RGS17: variants seen among roughly 807,000 people sequenced by gnomAD.
RGS17 encodes the protein regulator of G-protein signaling 17.
A neutral mutation model predicts 25.5 loss-of-function variants in RGS17; 12 were observed. The ratio of observed to expected loss-of-function variants is 0.47; its 90% CI spans 0.30 to 0.76. The LOEUF is 0.76. Among genes scored for constraint, RGS17 ranks in the 30% least tolerant of loss-of-function variants. RGS17 has a pLI of 0.07. For synonymous variants in RGS17, 71 were observed against 76.9 expected, an observed-to-expected ratio of 0.92 and a Z score of 0.40; for missense variants, 196 against 242.2, an observed-to-expected ratio of 0.81 and a Z score of 1.27.
intron 4 of RGS17, among the ~76,000 whole-genome samples, chr6:153,017,240 T>C (rs745554034): frequency 6.6e-6 from 1 of 151,812 alleles, no homozygotes; most frequent in Non-Finnish European, 1.5e-5. Flanking sequence ...TGTTGAGACA[T>C]AGCAACTGAA....
intron 1 of RGS17, among the ~76,000 whole-genome samples, chr6:153,089,409 T>C (rs1777096042): frequency 6.6e-6 from 1 of 152,148 alleles, no homozygotes; most frequent in African/African-American, 2.4e-5. Context: ...ATGAAAATAA[T>C]GGATCTAACC....
intron 1 of RGS17, among the ~76,000 whole-genome samples, chr6:153,112,847 A>G (rs779107087): frequency 6.6e-6 from 1 of 152,204 alleles, no homozygotes; most frequent in Non-Finnish European, 1.5e-5. Context: ...AAGGAGAATG[A>G]CATCCTTTAC....
At chr6:153,087,908 T>C (rs1290497069) in intron 1 of RGS17, among the ~76,000 whole-genome samples, 2 of 152,190 alleles carry the variant, frequency 1.3e-5, no homozygotes, top group African/African-American at 2.4e-5. Context: ...TCCTCTCCCC[T>C]TGAATGTGGG....
At chr6:153,059,087 G>A (rs1045894093) in intron 1 of RGS17, among the ~76,000 whole-genome samples, 2 of 151,900 alleles carry the variant, frequency 1.3e-5, no homozygotes, top group Non-Finnish European at 2.9e-5. Flanking sequence ...TTGATATACA[G>A]TCTTCACTGA....
chr6:153,122,191 C>T (rs1224972298), intron 1 of RGS17, among the ~76,000 whole-genome samples: 2 of 152,108 alleles, frequency 1.3e-5, no homozygotes, highest in African/African-American at 4.8e-5. Flanking sequence ...ATCCTTTCTT[C>T]CTGAATATTT....
intron 1 of RGS17, among the ~76,000 whole-genome samples, chr6:153,122,771 T>G (rs148586436): frequency 4.2e-4 from 64 of 152,142 alleles, no homozygotes; most frequent in African/African-American, 1.5e-3. Flanking sequence ...AACTATTAGA[T>G]GTATGAAAAG....
intron 1 of RGS17, among the ~76,000 whole-genome samples, chr6:153,058,172 T>C (rs569170565): frequency 1.7e-4 from 26 of 152,232 alleles, no homozygotes; most frequent in Non-Finnish European, 3.1e-4. Flanking sequence ...GTGCGCAGTA[T>C]GTGGTAGCTC....
chr6:153,036,363 G>A (rs1021221364), intron 2 of RGS17, among the ~76,000 whole-genome samples: 1 of 151,960 alleles, frequency 6.6e-6, no homozygotes, highest in Non-Finnish European at 1.5e-5. Context: ...CCCTTGCTGC[G>A]TTTTGCATGT....
intron 1 of RGS17, among the ~76,000 whole-genome samples, chr6:153,082,338 T>A (rs1249416825): frequency 6.6e-6 from 1 of 152,216 alleles, no homozygotes; most frequent in Non-Finnish European, 1.5e-5. Context: ...GGAAGTTCAA[T>A]TACATATATG....
Position 153,130,877 on chromosome 6 carries a change from C to G in RGS17, c.-26+247G>C, listed in dbSNP as rs574505569. 6.6e-6 allele frequency among the ~76,000 whole-genome samples: 1 copy of G among 152,008 alleles called. No homozygotes were observed. Among genetic ancestry groups the G allele is most frequent in the South Asian group, 2.1e-4 (1 of 4,828 alleles). ...CTGAGGGCGGCGAGCGGACCGCGTC[C>G]AGGCAGCGACGCGGGATTCAACTTC... On this transcript the variant is annotated intron_variant, in intron 1 of 4. Transcript: ENST00000206262. This position sits in a 1 kb window ranked among gnomAD's most constrained non-coding sequence, Gnocchi z 6.4.
intron 1 of RGS17, among the ~76,000 whole-genome samples, chr6:153,094,031 A>C (rs1475309490): frequency 4.6e-5 from 7 of 151,970 alleles, no homozygotes; most frequent in Admixed American, 6.6e-5. Context: ...TCAATGGAGG[A>C]GGCTTTCCAT....
intron 1 of RGS17, among the ~76,000 whole-genome samples, chr6:153,083,945 C>A (rs1406631650): frequency 6.6e-6 from 1 of 152,252 alleles, no homozygotes; most frequent in African/African-American, 2.4e-5. Context: ...CATTGTAAAT[C>A]TCATTTTATG....
Position 153,024,466 on chromosome 6 carries a change from G to A in RGS17, c.240C>T (p.Ser80=). Residue 80 remains serine (S), a synonymous_variant, in exon 4 of 5, where the codon TCC becomes TCT. Coordinates refer to ENST00000206262, the MANE Select transcript of RGS17 (RefSeq NM_012419.5). ...TCATCTTGTCAAAATTTTGAGACCA[G>A]GACAAGACTTCCTCTGCAGTGGGGT... ...CQNPTAEEVL[S]WSQNFDKMMK... 1.2e-6 allele frequency: 2 copies of A among 1,614,162 alleles called. No individual in the cohort carries two copies. The highest frequency in any genetic ancestry group is 2.2e-5 in the East Asian group (1 of 44,886).
chr6:153,059,488 C>T (rs1776607425), intron 1 of RGS17, among the ~76,000 whole-genome samples: 1 of 152,184 alleles, frequency 6.6e-6, no homozygotes, highest in African/African-American at 2.4e-5. Flanking sequence ...TAAGAGAGAT[C>T]TGGAATTGAA....
intron 1 of RGS17, among the ~76,000 whole-genome samples, chr6:153,094,179 G>A (rs185905896): frequency 5.3e-5 from 8 of 151,592 alleles, no homozygotes; most frequent in African/African-American, 1.7e-4. Flanking sequence ...GGGTTCAAGC[G>A]ATTCTCATGC....
intron 2 of RGS17, 110 bp from the exon 3 acceptor site, chr6:153,026,653 T>C (rs1779305988): frequency 1.4e-6 from 1 of 727,012 alleles, no homozygotes; most frequent in Non-Finnish European, 2.3e-6. Flanking sequence ...TTCAACTATG[T>C]GAGAATATTT....
chr6:153,106,571 C>G (rs4083914), intron 1 of RGS17, among the ~76,000 whole-genome samples: 70,581 of 151,180 alleles, frequency 0.47, 17,086 homozygotes, highest in East Asian at 0.85. Context: ...AAGGCAACTG[C>G]TTTCACTGTT....
chr6:153,102,208 C>T (rs1777314618), intron 1 of RGS17, among the ~76,000 whole-genome samples: 1 of 152,184 alleles, frequency 6.6e-6, no homozygotes, highest in Non-Finnish European at 1.5e-5. Context: ...GCAAGGAGGA[C>T]AGGAAATGGA....
intron 1 of RGS17, among the ~76,000 whole-genome samples, chr6:153,053,882 A>C (rs1238025856): frequency 7.0e-6 from 1 of 142,562 alleles, no homozygotes; most frequent in African/African-American, 2.6e-5. Context: ...ACTTATCTAT[A>C]TTTTCTTTTT....
Sources: gnomAD v4.1 joint callset for allele counts (sites outside exome capture counted in the v4.1 genomes callset) on GRCh38, gnomAD v4.1.1 for gene constraint, Gnocchi (gnomAD v3.1) non-coding constraint, MANE v1.5 for transcripts, NCBI Gene and HGNC (gene_info 2026-07-23, HGNC 2026-07-21) for gene names.